Variants in SAMMSON observed in about 807,000 individuals in gnomAD.
SAMMSON encodes the protein survival associated mitochondrial melanoma specific oncogenic non-coding RNA.
intron 4 of SAMMSON, among the ~76,000 whole-genome samples, chr3:70,174,683 A>G (rs572835270): frequency 3.9e-5 from 6 of 152,174 alleles, no homozygotes; most frequent in Non-Finnish European, 8.8e-5. Context: ...TATGCCTACA[A>G]ATGAAAAAAT....
At chr3:70,387,687 GA>G (rs1283461738) in intron 9 of SAMMSON, among the ~76,000 whole-genome samples, 1 of 152,066 alleles carries the variant, frequency 6.6e-6, no homozygotes, top group African/African-American at 2.4e-5. Flanking sequence ...AGGTCACACA[GA>G]GAACTTCAAA....
chr3:70,352,378 A>G (rs1352202515), intron 7 of SAMMSON, among the ~76,000 whole-genome samples: 1 of 152,158 alleles, frequency 6.6e-6, no homozygotes, highest in Non-Finnish European at 1.5e-5. Context: ...CAATACTGAA[A>G]GAAAAGAACT....
intron 4 of SAMMSON, among the ~76,000 whole-genome samples, chr3:70,077,652 TAACTC>T (rs1455082442): frequency 1.3e-5 from 2 of 152,172 alleles, no homozygotes; most frequent in African/African-American, 4.8e-5. Flanking sequence ...CAAAAGGAAA[TAACTC>T]AATTTCTATT....
chr3:70,187,083 T>C (rs73116232), intron 4 of SAMMSON, among the ~76,000 whole-genome samples: 23,084 of 152,202 alleles, frequency 0.15, 1,931 homozygotes, highest in Non-Finnish European at 0.2. Context: ...TCAGTGGCAC[T>C]GTGGCTCCTG....
chr3:70,070,242 C>T (rs2067224865), intron 3 of SAMMSON: 1 of 151,946 alleles, frequency 6.6e-6, no homozygotes, highest in African/African-American at 2.4e-5. Context: ...TTTTATATAA[C>T]CATAGTACAT....
intron 7 of SAMMSON, among the ~76,000 whole-genome samples, chr3:70,327,357 G>A (rs1486739258): frequency 6.6e-6 from 1 of 152,146 alleles, no homozygotes; most frequent in Non-Finnish European, 1.5e-5. Flanking sequence ...AGTGACCCCT[G>A]AGGAAGGAAA....
At chr3:70,093,483 C>T (rs1053633674) in intron 4 of SAMMSON, among the ~76,000 whole-genome samples, 1 of 152,164 alleles carries the variant, frequency 6.6e-6, no homozygotes, top group African/African-American at 2.4e-5. Flanking sequence ...TTGTAGATGA[C>T]TAAATGACTT....
intron 3 of SAMMSON, among the ~76,000 whole-genome samples, chr3:70,064,643 G>A (rs770276094): frequency 6.6e-6 from 1 of 152,042 alleles, no homozygotes; most frequent in African/African-American, 2.4e-5. Context: ...TTCTTATTTG[G>A]GTTTTGCCAG....
At chr3:70,223,940 G>A (rs1374542250) in intron 4 of SAMMSON, among the ~76,000 whole-genome samples, 1 of 151,386 alleles carries the variant, frequency 6.6e-6, no homozygotes, top group Non-Finnish European at 1.5e-5. Context: ...CCACCCTTTT[G>A]GTTTTGTTTC....
intron 4 of SAMMSON, among the ~76,000 whole-genome samples, chr3:70,124,385 G>A (rs6779846): frequency 0.018 from 2,694 of 152,276 alleles, 93 homozygotes; most frequent in African/African-American, 0.061. Context: ...CGGGAGAAAT[G>A]CGTATTTTTA....
chr3:70,066,176 A>G (rs574045130), intron 3 of SAMMSON, among the ~76,000 whole-genome samples: 2 of 152,230 alleles, frequency 1.3e-5, no homozygotes, highest in African/African-American at 2.4e-5. Context: ...TGAAAACCCT[A>G]TATTAATATC....
intron 4 of SAMMSON, chr3:70,071,584 G>C (rs973494381): frequency 6.6e-6 from 1 of 151,846 alleles, no homozygotes; most frequent in Non-Finnish European, 1.5e-5. Flanking sequence ...ATGTGGTGCC[G>C]GCATTGAGAG....
At chr3:70,300,412 A>G (rs1702336304) in intron 7 of SAMMSON, among the ~76,000 whole-genome samples, 1 of 152,096 alleles carries the variant, frequency 6.6e-6, no homozygotes, top group Non-Finnish European at 1.5e-5. Context: ...CTACCACGTT[A>G]TCTTACAAAT....
At chr3:70,410,559 T>G (rs1701210098) in intron 2 of SAMMSON, among the ~76,000 whole-genome samples, 1 of 152,158 alleles carries the variant, frequency 6.6e-6, no homozygotes, top group Non-Finnish European at 1.5e-5. Flanking sequence ...AGAGAAACAC[T>G]GGATTAATGA....
chr3:70,225,240 A>G (rs976213616), intron 4 of SAMMSON, among the ~76,000 whole-genome samples: 3 of 152,136 alleles, frequency 2.0e-5, no homozygotes, highest in African/African-American at 7.2e-5. Flanking sequence ...TGATATGTCA[A>G]TATGTTTTTC....
chr3:70,064,518 G>A (rs1209697551), intron 3 of SAMMSON, among the ~76,000 whole-genome samples: 1 of 152,126 alleles, frequency 6.6e-6, no homozygotes, highest in Non-Finnish European at 1.5e-5. Flanking sequence ...GGCTTAGCAA[G>A]TGTCATGCTT....
chr3:70,031,640 G>A (rs1048749763), intron 3 of SAMMSON, among the ~76,000 whole-genome samples: 1 of 152,166 alleles, frequency 6.6e-6, no homozygotes, highest in Non-Finnish European at 1.5e-5. Context: ...GCTTAAAATT[G>A]TAGTGACTAT....
chr3:70,271,875 C>G (rs370119037), intron 6 of SAMMSON: 18 of 152,224 alleles, frequency 1.2e-4, no homozygotes, highest in African/African-American at 4.3e-4. Flanking sequence ...GCGATTCTCT[C>G]GCCTCAGCCT....
intron 6 of SAMMSON, among the ~76,000 whole-genome samples, chr3:70,252,479 G>A (rs1701778847): frequency 6.6e-6 from 1 of 152,212 alleles, no homozygotes; most frequent in South Asian, 2.1e-4. Flanking sequence ...CAATTAAGAT[G>A]GGTCAGAGAG....
Sources: allele counts gnomAD v4.1 joint callset (sites outside exome capture counted in the v4.1 genomes callset), GRCh38; gene constraint gnomAD v4.1.1; transcripts MANE v1.5; gene names NCBI Gene and HGNC (gene_info 2026-07-23, HGNC 2026-07-21).